PDE2A: variants seen among roughly 807,000 people sequenced by gnomAD.
PDE2A encodes cGMP-dependent 3',5'-cyclic phosphodiesterase.
In PDE2A, 53 loss-of-function variants were observed where a neutral mutation model predicts 133.6. The ratio of observed to expected loss-of-function variants is 0.40; its 90% CI spans 0.32 to 0.50. The LOEUF (loss-of-function observed/expected upper bound fraction) is 0.50. Ranked by LOEUF, PDE2A falls within the 20% of genes least tolerant of loss-of-function variation. PDE2A has a pLI of 0.73. For missense variants in PDE2A, 796 were observed against 1,232.4 expected (o/e 0.65, Z 5.30); for synonymous variants, 491 against 490.2 (o/e 1.00, Z -0.02).
chr11:72,639,022 C>T (rs1409059472), intron 2 of PDE2A, among the ~76,000 whole-genome samples: 10 of 152,320 alleles, frequency 6.6e-5, no homozygotes, highest in African/African-American at 1.9e-4. Context: ...TGTGACACTG[C>T]GGCATCGACC....
chr11:72,619,070 ACG>A (rs963782992), intron 2 of PDE2A, among the ~76,000 whole-genome samples: 3 of 149,288 alleles, frequency 2.0e-5, no homozygotes, highest in African/African-American at 7.4e-5. Context: ...ACACACACAC[ACG>A]CACACACTGG....
chr11:72,670,539 T>C (rs1855361842), intron 1 of PDE2A, among the ~76,000 whole-genome samples: 2 of 148,202 alleles, frequency 1.3e-5, no homozygotes, highest in South Asian at 2.2e-4. Context: ...CCCTTCTGCA[T>C]TGGTAGGAAG....
At chr11:72,579,507 T>TTGCCCCC in intron 26 of PDE2A, 27 bp downstream of exon 26, 1 of 1,354,172 alleles carries the variant, frequency 7.4e-7, no homozygotes, top group Non-Finnish European at 1.0e-6. Flanking sequence ...TCCCCCTCAA[T>TTGCCCCC]CCCCACCCCA....
At chr11:72,630,782 G>A (rs1357047819) in intron 2 of PDE2A, among the ~76,000 whole-genome samples, 1 of 152,000 alleles carries the variant, frequency 6.6e-6, no homozygotes, top group African/African-American at 2.4e-5. Flanking sequence ...AAATACTCAG[G>A]GCAGAGAATC....
intron 18 of PDE2A, 84 bp from the exon 19 acceptor site, chr11:72,584,397 A>C: frequency 8.1e-7 from 1 of 1,239,772 alleles, no homozygotes; most frequent in Non-Finnish European, 1.2e-6. Flanking sequence ...CTGCCCTCGC[A>C]GTTTCCGCAG....
chr11:72,591,315 C>G lies in PDE2A; in HGVS notation c.531G>C (p.Leu177=), dbSNP rs779077245. 6.2e-7 allele frequency: 1 copy of G among 1,613,916 alleles called. No individual in the cohort carries two copies. Among genetic ancestry groups the G allele is most frequent in the South Asian group, 1.1e-5 (1 of 91,074 alleles). ...GQLSDNEEWS[L]QAVEKHTLVA... The stretch of plus-strand genomic sequence containing the variant: ...CACTCACATGCTTCTCCACCGCCTG[C>G]AGGCTCCATTCCTCATTATCACTCA... Residue 177 remains leucine (L), a synonymous_variant, in exon 7 of 31, where the codon CTG becomes CTC. Coordinates refer to ENST00000334456, the MANE Select transcript of PDE2A (RefSeq NM_002599.5).
At chr11:72,654,224 G>A (rs1429156350) in intron 1 of PDE2A, among the ~76,000 whole-genome samples, 1 of 152,172 alleles carries the variant, frequency 6.6e-6, no homozygotes, top group Non-Finnish European at 1.5e-5. Flanking sequence ...TGGGACCAGG[G>A]GAGGCAGGTG....
At chr11:72,658,811 T>A (rs765644084) in intron 1 of PDE2A, among the ~76,000 whole-genome samples, 11 of 152,058 alleles carry the variant, frequency 7.2e-5, no homozygotes, top group Non-Finnish European at 1.5e-4. Context: ...CCAAACCTAA[T>A]CCCTGCCTTT....
At chr11:72,624,263 G>A (rs1242201677) in intron 2 of PDE2A, among the ~76,000 whole-genome samples, 1 of 152,160 alleles carries the variant, frequency 6.6e-6, no homozygotes. Flanking sequence ...GATTATAGGT[G>A]TGAGCCACTG....
chr11:72,591,551 G>C (rs1856248880), intron 6 of PDE2A, among the ~76,000 whole-genome samples, 195 bp from the exon 7 acceptor site: 1 of 152,180 alleles, frequency 6.6e-6, no homozygotes, highest in African/African-American at 2.4e-5. Context: ...AAGTCTCCTA[G>C]GACTAACCTA....
chr11:72,589,834 T>A (rs149089478), intron 10 of PDE2A, 42 bp from the exon 11 acceptor site: 1 of 1,611,398 alleles, frequency 6.2e-7, no homozygotes, highest in East Asian at 2.2e-5. Flanking sequence ...GGAAAGGCAA[T>A]GGATTTCCCC....
chr11:72,596,860 C>T (rs1235062311), intron 5 of PDE2A, among the ~76,000 whole-genome samples: 1 of 152,142 alleles, frequency 6.6e-6, no homozygotes, highest in Admixed American at 6.5e-5. Context: ...AAGGAAACCC[C>T]TTCACTCACA....
rs466023 is a variant in PDE2A, at chr11:72,618,251, G to A, written c.145-9500C>T. Among the ~76,000 whole-genome samples the A allele has an allele frequency of 7.6e-3, 1,157 of 152,302 alleles. 18 individuals are homozygous for A. Among genetic ancestry groups the A allele is most frequent in the African/African-American group, 0.027 (1,102 of 41,568 alleles). ...GCCTGCTCTGGCCTCAGGCCTCTTC[G>A]CAGCGCCCCAGTCTGATTCCCTGCA... On this transcript the variant is annotated intron_variant, in intron 2 of 30. Transcript: ENST00000334456.
Position 72,590,101 on chromosome 11 carries a change from T to C in PDE2A, c.756+91A>G, listed in dbSNP as rs1856169029. 1 of 1,387,010 alleles carries C rather than the reference T, an allele frequency of 7.2e-7. No individual in the cohort carries two copies. The highest frequency in any genetic ancestry group is 1.0e-6 in the Non-Finnish European group (1 of 1,004,358). The allele number at this position is 1,387,010 out of a possible 1,614,324, so 85.9% of individuals were successfully genotyped here. On this transcript the variant is annotated intron_variant, in intron 9 of 30. Transcript: ENST00000334456. This position sits in a 1 kb window ranked among gnomAD's most constrained non-coding sequence, Gnocchi z 4.8. ...GAGGAGAGAGGAAGGAAGGACATCGTAATTGGAACTGAGATGGAGGGCTCA... is the reference window on the plus strand; with the variant it reads ...GAGGAGAGAGGAAGGAAGGACATCGCAATTGGAACTGAGATGGAGGGCTCA...
At chr11:72,586,793 C>T (rs974377695) in intron 13 of PDE2A, among the ~76,000 whole-genome samples, 1 of 152,216 alleles carries the variant, frequency 6.6e-6, no homozygotes, top group African/African-American at 2.4e-5. Context: ...AAGAGCCTGC[C>T]TTAGCCCACA....
At chr11:72,626,165 G>A (rs1419987336) in intron 2 of PDE2A, among the ~76,000 whole-genome samples, 1 of 152,260 alleles carries the variant, frequency 6.6e-6, no homozygotes, top group Non-Finnish European at 1.5e-5. Context: ...AGTCCCCGGT[G>A]CTTTATGCCT....
chr11:72,584,770 C>G, intron 17 of PDE2A, 42 bp from the exon 18 acceptor site: 1 of 1,611,510 alleles, frequency 6.2e-7, no homozygotes. Context: ...AAGTTAGTGA[C>G]CCGGCCACAG....
At chr11:72,613,492 T>C (rs922038560) in intron 2 of PDE2A, among the ~76,000 whole-genome samples, 16 of 151,798 alleles carry the variant, frequency 1.1e-4, no homozygotes, top group African/African-American at 3.9e-4. Context: ...TGGACCTCCC[T>C]GCCTTCCTCC....
intron 1 of PDE2A, among the ~76,000 whole-genome samples, chr11:72,669,773 C>A (rs559789928): frequency 3.9e-5 from 6 of 152,288 alleles, no homozygotes; most frequent in African/African-American, 1.2e-4. Context: ...TTTGTTTGCA[C>A]GCCACTTTCT....
Sources: allele counts gnomAD v4.1 joint callset (sites outside exome capture counted in the v4.1 genomes callset), GRCh38; gene constraint gnomAD v4.1.1; non-coding constraint Gnocchi (gnomAD v3.1); transcripts MANE v1.5; gene names NCBI Gene and HGNC (gene_info 2026-07-23, HGNC 2026-07-21).